TMEM130: variants seen among roughly 807,000 people sequenced by gnomAD.
The protein encoded by TMEM130 is transmembrane protein 130.
Under a neutral mutation model 42.9 loss-of-function variants are expected in TMEM130, and 37 were observed. The observed-to-expected ratio is 0.86, with a 90% CI of 0.66 to 1.13. The LOEUF (loss-of-function observed/expected upper bound fraction) is 1.13. Ranked by LOEUF, TMEM130 falls within the 50% of genes most tolerant of loss-of-function variation. The pLI, the probability that TMEM130 is intolerant of heterozygous loss-of-function variation, is 0.00. For synonymous variants in TMEM130, 259 were observed against 237.7 expected (o/e 1.09, Z -0.82); for missense variants, 545 against 562.6 (o/e 0.97, Z 0.32).
At position 98,848,705 on chromosome 7, in the gene TMEM130, A is replaced by G. The variant is rs782187927; in HGVS notation, c.1007-10T>C. The stretch of plus-strand genomic sequence containing the variant: ...ACAGCCGGCTGGATTCCTGGGAATG[A>G]AAGAAGTAACATTACAGGACTGGGT... On this transcript the variant is annotated splice_polypyrimidine_tract_variant and intron_variant, in intron 6 of 7. Transcript: ENST00000339375. 5.1e-6 allele frequency: 8 copies of G among 1,582,332 alleles called. No homozygotes were observed. The East Asian group carries it at 1.1e-4, about 22-fold the overall frequency.
intron 3 of TMEM130, among the ~76,000 whole-genome samples, chr7:98,856,388 C>T (rs73407178): frequency 3.9e-5 from 6 of 152,284 alleles, no homozygotes; most frequent in African/African-American, 1.4e-4. Flanking sequence ...ATGAGCAAAC[C>T]GAGGCCAGAG....
intron 3 of TMEM130, among the ~76,000 whole-genome samples, chr7:98,859,683 T>A (rs890487035): frequency 1.3e-5 from 2 of 152,152 alleles, no homozygotes; most frequent in South Asian, 4.2e-4. Context: ...AAGACCAGCC[T>A]GGCCAACATG....
chr7:98,850,404 C>T (rs1049052286), intron 6 of TMEM130, among the ~76,000 whole-genome samples: 6 of 150,490 alleles, frequency 4.0e-5, no homozygotes, highest in East Asian at 1.9e-4. Context: ...CCACCTCCTG[C>T]GTAGCTGGGA....
chr7:98,848,539 A>T, intron 7 of TMEM130, 44 bp downstream of exon 7: 2 of 1,349,128 alleles, frequency 1.5e-6, no homozygotes, highest in South Asian at 1.2e-5. Flanking sequence ...CATCCTCTCT[A>T]GGCAAGGCCC....
chr7:98,860,290 C>T lies in TMEM130; in HGVS notation c.440G>A (p.Trp147Ter). 1 of 1,612,292 alleles carries T rather than the reference C, an allele frequency of 6.2e-7. No individual in the cohort carries two copies. Among genetic ancestry groups the T allele is most frequent in the South Asian group, 1.1e-5 (1 of 90,850 alleles). Residue 147 changes from tryptophan (W) to a stop codon, truncating the protein, a stop_gained, in exon 3 of 8, where the codon TGG becomes TAG. Transcript: ENST00000339375. LOFTEE classifies it high-confidence loss of function. ...GGTCTTAGTGAGATAGGAGCTGGGC[C>T]AGGGTAGGGAAGTGTTCTGGGTGAC... ...LVVTQNTSLP[W>*]PSSYLTKTVL...
At chr7:98,857,691 C>A (rs1794665487) in intron 3 of TMEM130, among the ~76,000 whole-genome samples, 1 of 131,198 alleles carries the variant, frequency 7.6e-6, no homozygotes. Context: ...CAGAGCGAGA[C>A]CCTGTCTCAA....
At chr7:98,851,342 G>T in intron 6 of TMEM130, 79 bp downstream of exon 6, 1 of 1,425,978 alleles carries the variant, frequency 7.0e-7, no homozygotes, top group Non-Finnish European at 9.9e-7. Flanking sequence ...GCTGGTAGGA[G>T]CGTATTGGTG....
At chr7:98,863,043 T>G in intron 2 of TMEM130, 52 bp downstream of exon 2, 1 of 1,553,568 alleles carries the variant, frequency 6.4e-7, no homozygotes, top group Non-Finnish European at 8.7e-7. Flanking sequence ...CTTGATGTTT[T>G]TCTCTGCACC....
chr7:98,857,845 C>T (rs1794670955), intron 3 of TMEM130, among the ~76,000 whole-genome samples: 1 of 151,190 alleles, frequency 6.6e-6, no homozygotes, highest in East Asian at 2.0e-4. Flanking sequence ...CTGCCTCAGC[C>T]TCCCAAGTAG....
intron 6 of TMEM130, among the ~76,000 whole-genome samples, chr7:98,849,188 T>C (rs553650744): frequency 1.3e-5 from 2 of 152,150 alleles, no homozygotes; most frequent in Non-Finnish European, 2.9e-5. Flanking sequence ...GCTCACCCAA[T>C]AAACCTGTTG....
intron 2 of TMEM130, among the ~76,000 whole-genome samples, chr7:98,862,839 A>G (rs909969080): frequency 1.3e-5 from 2 of 152,152 alleles, no homozygotes; most frequent in African/African-American, 4.8e-5. Flanking sequence ...CCTATTGACC[A>G]GTCGCTCTCC....
chr7:98,856,039 G>A lies in TMEM130; in HGVS notation c.696C>T (p.Phe232=), dbSNP rs1554398938. Residue 232 remains phenylalanine, a synonymous_variant, in exon 4 of 8, where the codon TTC becomes TTT. Coordinates refer to ENST00000339375, the MANE Select transcript of TMEM130 (RefSeq NM_152913.3). ...CACCCTGCAGCTTCAGCGAGGCGGA[G>A]AAGTCCCCGGTCTTCTGCTTCACAG... ...TRAVKQKTGD[F]SASLKLQETL... 11 of 1,613,322 alleles carry A rather than the reference G, an allele frequency of 6.8e-6. No homozygotes were observed. The highest frequency in any genetic ancestry group is 9.3e-6 in the Non-Finnish European group (11 of 1,180,044).
intron 6 of TMEM130, 53 bp from the exon 7 acceptor site, chr7:98,848,748 T>C (rs560414174): frequency 7.0e-5 from 87 of 1,238,838 alleles, no homozygotes; most frequent in Non-Finnish European, 9.3e-5. Context: ...ACTACAGTGC[T>C]GGTTCTCAGG....
chr7:98,859,273 A>G (rs190394272), intron 3 of TMEM130, among the ~76,000 whole-genome samples: 3 of 152,120 alleles, frequency 2.0e-5, no homozygotes, highest in East Asian at 1.9e-4. Flanking sequence ...CTCCTCCACC[A>G]AAAAGGGGAA....
chr7:98,857,220 C>T (rs1398078146), intron 3 of TMEM130, among the ~76,000 whole-genome samples: 4 of 152,036 alleles, frequency 2.6e-5, no homozygotes, highest in African/African-American at 7.2e-5. Context: ...ACCATAGGCC[C>T]GCACTTATTT....
intron 6 of TMEM130, among the ~76,000 whole-genome samples, chr7:98,851,169 C>T (rs1794492998): frequency 6.6e-6 from 1 of 151,890 alleles, no homozygotes; most frequent in East Asian, 1.9e-4. Context: ...TCGATGGGTG[C>T]CATATTGGGG....
At chr7:98,852,802 G>A (rs2116076881) in intron 5 of TMEM130, among the ~76,000 whole-genome samples, 1 of 152,166 alleles carries the variant, frequency 6.6e-6, no homozygotes, top group South Asian at 2.1e-4. Context: ...TCACCATGTT[G>A]GCCAGGCTAA....
At chr7:98,850,086 G>A (rs1382292998) in intron 6 of TMEM130, among the ~76,000 whole-genome samples, 1 of 150,730 alleles carries the variant, frequency 6.6e-6, no homozygotes, top group African/African-American at 2.4e-5. Flanking sequence ...GTCTCACTCT[G>A]TCGCTCAGGC....
chr7:98,869,682 G>A lies in TMEM130; in HGVS notation c.85+95C>T. On this transcript the variant is annotated intron_variant, in intron 1 of 7. Coordinates refer to ENST00000339375, the MANE Select transcript of TMEM130 (RefSeq NM_152913.3). The surrounding 1 kb of genome is among the most constrained non-coding windows in gnomAD (Gnocchi z 4.7). The stretch of plus-strand genomic sequence containing the variant: ...GCGCAGGGCGCACGGTGCCACCTCC[G>A]CAATCCCTGCTCCCGGGCCCACTCG... 1.1e-6 allele frequency: 1 copy of A among 948,624 alleles called. No individual in the cohort carries two copies. The allele number at this position is 948,624 out of a possible 1,614,324, so 58.8% of individuals were successfully genotyped here. A position where few individuals can be genotyped will look rare whatever the true frequency, so the allele number is the denominator to read the frequency against.
Sources: allele counts gnomAD v4.1 joint callset (sites outside exome capture counted in the v4.1 genomes callset), GRCh38; gene constraint gnomAD v4.1.1; non-coding constraint Gnocchi (gnomAD v3.1); transcripts MANE v1.5; gene names NCBI Gene and HGNC (gene_info 2026-07-23, HGNC 2026-07-21).